The following HS6ST2 variants were observed in gnomAD, a reference collection of about 807,000 sequenced individuals.
HS6ST2 encodes heparan sulfate 6-O-sulfotransferase 2.
A neutral mutation model predicts 33.0 loss-of-function variants in HS6ST2; 17 were observed. The ratio of observed to expected loss-of-function variants is 0.52; its 90% CI spans 0.35 to 0.77. The LOEUF is 0.77. Among genes scored for constraint, HS6ST2 ranks in the 30% least tolerant of loss-of-function variants. The pLI is 0.01. For synonymous variants in HS6ST2, 248 were observed against 237.1 expected, an observed-to-expected ratio of 1.05 and a Z score of -0.42; for missense variants, 519 against 551.7, an observed-to-expected ratio of 0.94 and a Z score of 0.59.
At chrX:132,776,432 T>G (rs181847400) in intron 2 of HS6ST2, among the ~76,000 whole-genome samples, 17 of 112,098 alleles carry the variant, frequency 1.5e-4, no homozygotes, top group Admixed American at 1.3e-3. Flanking sequence ...ATCTGCAGAA[T>G]CTACCCTATG....
intron 2 of HS6ST2, among the ~76,000 whole-genome samples, chrX:132,857,268 G>C (rs1167933084): frequency 1.8e-5 from 2 of 111,629 alleles, no homozygotes; most frequent in East Asian, 2.8e-4. Context: ...GGTGGATCAC[G>C]AGGTCAAGGG....
intron 2 of HS6ST2, among the ~76,000 whole-genome samples, chrX:132,901,749 G>A (rs1191619248): frequency 9.0e-6 from 1 of 111,301 alleles, no homozygotes; most frequent in African/African-American, 3.3e-5. Flanking sequence ...TTGAAGAATG[G>A]CACAATTTTC....
chrX:132,633,957 A>G (rs754404884), intron 4 of HS6ST2, among the ~76,000 whole-genome samples: 3 of 111,412 alleles, frequency 2.7e-5, no homozygotes, highest in South Asian at 7.7e-4. Context: ...CTCAGATCAC[A>G]TGGACCATTT....
intron 2 of HS6ST2, among the ~76,000 whole-genome samples, chrX:132,909,545 A>C (rs1240403532): frequency 8.9e-6 from 1 of 112,078 alleles, no homozygotes; most frequent in African/African-American, 3.2e-5. Context: ...CTTTAAGATT[A>C]CTTTTTTTTC....
chrX:132,675,026 A>G (rs1163894204), intron 3 of HS6ST2, among the ~76,000 whole-genome samples: 4 of 111,954 alleles, frequency 3.6e-5, no homozygotes, highest in Non-Finnish European at 7.5e-5. Flanking sequence ...TAAACCCTAA[A>G]TGAAAGTCAC....
intron 2 of HS6ST2, among the ~76,000 whole-genome samples, chrX:132,727,279 T>TATTCATTC (rs34209607): frequency 1.9e-5 from 2 of 107,720 alleles, no homozygotes; most frequent in Non-Finnish European, 3.8e-5. Flanking sequence ...GTCACAAACA[T>TATTCATTC]ATTCATTCAT....
Position 132,628,801 on chromosome X carries a change from T to C in HS6ST2, c.1360A>G (p.Asn454Asp), listed in dbSNP as rs2063496655. The C allele has an allele frequency of 8.3e-7, 1 of 1,211,769 alleles. No individual in the cohort carries two copies. The highest frequency in any genetic ancestry group is 2.3e-4 in the Middle Eastern group (1 of 4,354). Residue 454 changes from asparagine (N) to aspartate (D), a missense_variant, in exon 5 of 5, where the codon AAC becomes GAC. By Grantham distance (23) the Asn-to-Asp change is conservative. Coordinates refer to ENST00000370833, the MANE Select transcript of HS6ST2 (RefSeq NM_001394073.1). ...NLSVMPEKQR[N>D]KVLLESAKSN... is the part of the protein sequence containing the mutation. The stretch of plus-strand genomic sequence containing the variant: ...TTGGCACTTTCCAGAAGGACCTTGT[T>C]TCTTTGCTTTTCAGGCATGACAGAG...
intron 2 of HS6ST2, among the ~76,000 whole-genome samples, chrX:132,879,620 T>C (rs2066145223): frequency 1.8e-5 from 2 of 112,011 alleles, no homozygotes; most frequent in Non-Finnish European, 3.8e-5. Flanking sequence ...ATGGTTGAAA[T>C]CAGAGGAGTC....
At chrX:132,869,001 T>TTC (rs1340360366) in intron 2 of HS6ST2, among the ~76,000 whole-genome samples, 1 of 109,524 alleles carries the variant, frequency 9.1e-6, no homozygotes, top group African/African-American at 3.3e-5. Context: ...AGGTATTTTT[T>TTC]TTTTAAAGAC....
intron 2 of HS6ST2, among the ~76,000 whole-genome samples, chrX:132,729,515 T>G (rs933541248): frequency 4.5e-5 from 5 of 111,465 alleles, no homozygotes; most frequent in Non-Finnish European, 9.4e-5. Flanking sequence ...AATATATGTC[T>G]GTGTGAGGCT....
At chrX:132,909,339 A>G (rs756007118) in intron 2 of HS6ST2, among the ~76,000 whole-genome samples, 2 of 112,424 alleles carry the variant, frequency 1.8e-5, no homozygotes, top group East Asian at 2.8e-4. Flanking sequence ...ACTGAGGCAG[A>G]CAGAGGTTTT....
chrX:132,910,493 GA>G (rs1248356021), intron 2 of HS6ST2, among the ~76,000 whole-genome samples: 1 of 111,940 alleles, frequency 8.9e-6, no homozygotes, highest in African/African-American at 3.3e-5. Flanking sequence ...TTCTTTCAAA[GA>G]GCATGATTTT....
intron 4 of HS6ST2, among the ~76,000 whole-genome samples, chrX:132,651,309 G>A (rs1167310421): frequency 1.8e-5 from 2 of 112,042 alleles, no homozygotes; most frequent in Non-Finnish European, 3.8e-5. Flanking sequence ...GGAGAAGGAA[G>A]TAAAAGGACA....
At chrX:132,637,747 AATATATATATAAAAT>A (rs1322206719) in intron 4 of HS6ST2, among the ~76,000 whole-genome samples, 1 of 78,595 alleles carries the variant, frequency 1.3e-5, no homozygotes, top group African/African-American at 4.9e-5. Flanking sequence ...ATATATAAAA[AATATATATATAAAAT>A]ATTATATATT....
At chrX:132,746,993 G>A (rs1226137723) in intron 2 of HS6ST2, among the ~76,000 whole-genome samples, 1 of 112,011 alleles carries the variant, frequency 8.9e-6, no homozygotes, top group African/African-American at 3.2e-5. Context: ...CTGAGTCCTC[G>A]GTCATTTAAA....
intron 2 of HS6ST2, among the ~76,000 whole-genome samples, chrX:132,817,169 C>G (rs1366200929): frequency 9.0e-6 from 1 of 111,256 alleles, no homozygotes. Context: ...GAACAGGATT[C>G]GCATCTCCCC....
intron 2 of HS6ST2, among the ~76,000 whole-genome samples, chrX:132,934,475 CAA>C (rs758781903): frequency 4.5e-5 from 5 of 111,221 alleles, no homozygotes; most frequent in African/African-American, 1.6e-4. Flanking sequence ...AATAACAGCA[CAA>C]AAAGAGAGAA....
intron 4 of HS6ST2, among the ~76,000 whole-genome samples, chrX:132,634,166 C>T (rs139638141): frequency 5.9e-4 from 66 of 112,344 alleles, no homozygotes; most frequent in African/African-American, 1.9e-3. Context: ...AATATCTTCA[C>T]CATACTTTCC....
At chrX:132,898,383 A>T (rs1455445467) in intron 2 of HS6ST2, among the ~76,000 whole-genome samples, 4 of 78,459 alleles carry the variant, frequency 5.1e-5, no homozygotes, top group African/African-American at 2.9e-4. Flanking sequence ...ACATAAGGTT[A>T]TATATATATA....
Sources: gnomAD v4.1 joint callset for allele counts (sites outside exome capture counted in the v4.1 genomes callset) on GRCh38, gnomAD v4.1.1 for gene constraint, MANE v1.5 for transcripts, NCBI Gene and HGNC (gene_info 2026-07-23, HGNC 2026-07-21) for gene names.